The following SEZ6L variants were observed in gnomAD, a reference collection of about 807,000 sequenced individuals.
The protein encoded by SEZ6L is seizure related 6 homolog like.
In SEZ6L, 37 loss-of-function variants were observed where a neutral mutation model predicts 106.2. That is an observed-to-expected ratio of 0.35 (90% CI 0.27 to 0.46). The LOEUF (loss-of-function observed/expected upper bound fraction) is 0.46. Ranked by LOEUF, SEZ6L falls within the 20% of genes least tolerant of loss-of-function variation. The pLI is 1.00. For missense variants in SEZ6L, 1,172 were observed against 1,332.8 expected, an observed-to-expected ratio of 0.88 and a Z score of 1.88; for synonymous variants, 541 against 570.4, an observed-to-expected ratio of 0.95 and a Z score of 0.73.
chr22:26,224,028 G>A (rs2078564806), intron 1 of SEZ6L, among the ~76,000 whole-genome samples: 1 of 152,142 alleles, frequency 6.6e-6, no homozygotes, highest in South Asian at 2.1e-4. Context: ...GGGATCAATG[G>A]TGGACTCAGT....
In SEZ6L at chr22:26,235,864, G is replaced by A. The variant is rs1001677237; in HGVS notation, c.95-56542G>A. Among the ~76,000 whole-genome samples the A allele has an allele frequency of 4.6e-5, 7 of 152,112 alleles. No individual in the cohort carries two copies. In the South Asian group the frequency reaches 6.2e-4, roughly 14 times the overall value. ...GGGAAGCCATCGGAGAATTCCAAGCGGAAAAAGAAGGAATATGATCAGATC... is the reference window on the plus strand; with the variant it reads ...GGGAAGCCATCGGAGAATTCCAAGCAGAAAAAGAAGGAATATGATCAGATC... On this transcript the variant is annotated intron_variant, in intron 1 of 16. Transcript: ENST00000248933.
chr22:26,270,463 G>GGGGTGTGT (rs148876474), intron 1 of SEZ6L, among the ~76,000 whole-genome samples: 4 of 146,372 alleles, frequency 2.7e-5, no homozygotes, highest in South Asian at 2.2e-4. Flanking sequence ...AATTGTGAGG[G>GGGGTGTGT]GTGTGTGTGT....
At chr22:26,313,627 G>T in intron 8 of SEZ6L, 137 bp from the exon 9 acceptor site, 1 of 877,426 alleles carries the variant, frequency 1.1e-6, no homozygotes, top group Non-Finnish European at 1.8e-6. Context: ...CGTGCTGGCT[G>T]CCCGAGGTGA....
At chr22:26,177,782 A>G (rs1939118648) in intron 1 of SEZ6L, among the ~76,000 whole-genome samples, 1 of 152,108 alleles carries the variant, frequency 6.6e-6, no homozygotes, top group Admixed American at 6.5e-5. Context: ...GAGAGGTTGT[A>G]TAGTTAGAGT....
rs151285360 is a variant in SEZ6L, at chr22:26,232,586, G to A, written c.95-59820G>A. Among the ~76,000 whole-genome samples the A allele has an allele frequency of 8.7e-3, 1,328 of 152,178 alleles. 10 individuals are homozygous for A. The highest frequency in any genetic ancestry group is 0.027 in the Middle Eastern group (8 of 294). On this transcript the variant is annotated intron_variant, in intron 1 of 16. Coordinates refer to ENST00000248933, the MANE Select transcript of SEZ6L (RefSeq NM_021115.5). ...TTTCACCGCACCTTTTTCATGATCC[G>A]ATACACAAATGCTTACCATTGCATT...
chr22:26,209,278 T>G (rs1326097505), intron 1 of SEZ6L, among the ~76,000 whole-genome samples: 1 of 152,234 alleles, frequency 6.6e-6, no homozygotes, highest in Non-Finnish European at 1.5e-5. Flanking sequence ...GTGTCAAATT[T>G]CCCTGATTCT....
At chr22:26,257,475 A>G (rs1487472553) in intron 1 of SEZ6L, among the ~76,000 whole-genome samples, 1 of 152,204 alleles carries the variant, frequency 6.6e-6, no homozygotes. Flanking sequence ...ATTTATTGAA[A>G]ACTTGCTAAG....
chr22:26,202,364 G>A (rs1362982679), intron 1 of SEZ6L, among the ~76,000 whole-genome samples: 4 of 152,168 alleles, frequency 2.6e-5, no homozygotes, highest in Non-Finnish European at 4.4e-5. Context: ...CCATCCTCCT[G>A]AGCCACAGGA....
chr22:26,300,463 A>G (rs113236002), intron 5 of SEZ6L, among the ~76,000 whole-genome samples: 4,193 of 152,162 alleles, frequency 0.028, 189 homozygotes, highest in African/African-American at 0.095. Flanking sequence ...CTTCATCCAT[A>G]TCCCTACAAA....
At chr22:26,365,303 C>G in intron 12 of SEZ6L, 69 bp from the exon 13 acceptor site, 1 of 1,393,894 alleles carries the variant, frequency 7.2e-7, no homozygotes, top group Non-Finnish European at 9.9e-7. Flanking sequence ...CTAGATCACA[C>G]GGGTTCTGAG....
intron 14 of SEZ6L, among the ~76,000 whole-genome samples, chr22:26,374,934 T>C (rs1444490838): frequency 2.0e-5 from 3 of 152,148 alleles, no homozygotes; most frequent in East Asian, 3.9e-4. Context: ...TGGGGTGTCA[T>C]TGGGGTGTGC....
At chr22:26,186,153 G>C (rs559589573) in intron 1 of SEZ6L, among the ~76,000 whole-genome samples, 11 of 152,118 alleles carry the variant, frequency 7.2e-5, no homozygotes, top group African/African-American at 2.2e-4. Flanking sequence ...TACACTTGCA[G>C]GGGAACGGCT....
chr22:26,365,911 G>A (rs1485317345), intron 13 of SEZ6L, among the ~76,000 whole-genome samples: 1 of 151,982 alleles, frequency 6.6e-6, no homozygotes, highest in Non-Finnish European at 1.5e-5. Flanking sequence ...GAGCTGAGCT[G>A]CTGTACTTCA....
intron 12 of SEZ6L, among the ~76,000 whole-genome samples, chr22:26,351,642 G>A (rs1412907019): frequency 6.6e-6 from 1 of 152,104 alleles, no homozygotes; most frequent in Non-Finnish European, 1.5e-5. Context: ...CGCCTCCTGG[G>A]TTCAAGCGAT....
At position 26,377,034 on chromosome 22, in the gene SEZ6L, C is replaced by T. The variant is rs138094257; in HGVS notation, c.2943-639C>T. ...GTGGTTCATCCCTATAATCCCAGCACTTTGGGAGGCCAAGGCTGGAGGATC... is the reference window on the plus strand; with the variant it reads ...GTGGTTCATCCCTATAATCCCAGCATTTTGGGAGGCCAAGGCTGGAGGATC... On this transcript the variant is annotated intron_variant, in intron 15 of 16. Transcript: ENST00000248933. Among the ~76,000 whole-genome samples, 290 of 152,296 alleles carry T rather than the reference C, an allele frequency of 1.9e-3. 1 individual carries two copies. The highest frequency in any genetic ancestry group is 6.8e-3 in the African/African-American group (282 of 41,560).
intron 1 of SEZ6L, among the ~76,000 whole-genome samples, chr22:26,270,624 A>G (rs684503): frequency 0.13 from 19,138 of 152,056 alleles, 1,602 homozygotes; most frequent in Non-Finnish European, 0.19. Flanking sequence ...ACCCTTAGAG[A>G]TTTACATTTT....
rs2084400104 is a variant in SEZ6L at position 26,381,160 on chromosome 22, T to C, written c.*865T>C. On this transcript the variant is annotated 3_prime_UTR_variant, in exon 17 of 17. Transcript: ENST00000248933. Reference sequence around the variant, plus strand: ...CATGTTCAGCAAGCCACTCTCAAGCTGTGGTAATAAACACACAGGCTTGGG... The same window carrying C: ...CATGTTCAGCAAGCCACTCTCAAGCCGTGGTAATAAACACACAGGCTTGGG... 6.6e-6 allele frequency: 1 copy of C among 152,150 alleles called. No homozygotes were observed. Among genetic ancestry groups the C allele is most frequent in the South Asian group, 2.1e-4 (1 of 4,820 alleles). 9.4% of individuals were successfully genotyped at this position (152,150 alleles called of 1,614,324 possible).
At chr22:26,176,491 G>A (rs983558101) in intron 1 of SEZ6L, among the ~76,000 whole-genome samples, 5 of 152,172 alleles carry the variant, frequency 3.3e-5, no homozygotes, top group Admixed American at 2.0e-4. Context: ...TGGCTTGTGC[G>A]TGAGCCTTAT....
In SEZ6L at chr22:26,292,407, T is replaced by C; in HGVS notation, c.96T>C (p.Asp32=). The C allele has an allele frequency of 6.2e-7, 1 of 1,609,666 alleles. No individual in the cohort carries two copies. Among genetic ancestry groups the C allele is most frequent in the Admixed American group, 1.7e-5 (1 of 59,600 alleles). ...LGSPAAALER[D]ALPEGDASPL... is the part of the protein sequence containing the mutation. ...TGGTGTCTTTTCTCCTCTTCCAAGATGCTCTTCCCGAGGGAGATGCTAGCC... is the reference window on the plus strand; with the variant it reads ...TGGTGTCTTTTCTCCTCTTCCAAGACGCTCTTCCCGAGGGAGATGCTAGCC... The change falls in exon 2 of 17, where the codon GAT becomes GAC. Residue 32 remains aspartate (D), a splice_region_variant and synonymous_variant. Transcript: ENST00000248933.
Sources: gnomAD v4.1 joint callset for allele counts (sites outside exome capture counted in the v4.1 genomes callset) on GRCh38, gnomAD v4.1.1 for gene constraint, MANE v1.5 for transcripts, NCBI Gene and HGNC (gene_info 2026-07-23, HGNC 2026-07-21) for gene names.